Variants in ATF3 observed in about 807,000 individuals in gnomAD.
ATF3 encodes cyclic AMP-dependent transcription factor ATF-3.
A neutral mutation model predicts 18.4 loss-of-function variants in ATF3; 10 were observed. That is an observed-to-expected ratio of 0.54 (90% CI 0.34 to 0.92). The LOEUF is 0.92. ATF3 is among the 40% of genes least tolerant of loss of function. The pLI is 0.02. For synonymous variants in ATF3, 78 were observed against 87.9 expected (o/e 0.89, Z 0.63); for missense variants, 183 against 222.3 (o/e 0.82, Z 1.12).
At chr1:212,590,587 T>A (rs1000681865) in intron 1 of ATF3, among the ~76,000 whole-genome samples, 3 of 152,200 alleles carry the variant, frequency 2.0e-5, no homozygotes, top group African/African-American at 7.2e-5. Context: ...TAATCTGATT[T>A]CTTTTATCTC....
At chr1:212,580,929 C>A (rs1347675510) in intron 1 of ATF3, among the ~76,000 whole-genome samples, 6 of 152,002 alleles carry the variant, frequency 3.9e-5, no homozygotes, top group African/African-American at 1.4e-4. Context: ...CCACCATGCC[C>A]GGCTAATTTT....
intron 1 of ATF3, among the ~76,000 whole-genome samples, chr1:212,585,183 G>A (rs1252825831): frequency 3.3e-5 from 5 of 152,210 alleles, no homozygotes. Context: ...CAGAGCTGGG[G>A]GGTGAAAGGT....
At position 212,619,130 on chromosome 1, in the gene ATF3, T is replaced by C; in HGVS notation, c.349-228T>C. 2 of 1,614,116 alleles carry C rather than the reference T, an allele frequency of 1.2e-6. No homozygotes were observed. The highest frequency in any genetic ancestry group is 2.2e-5 in the South Asian group (2 of 91,084). ...AGGTATCTGAACTGCAGCTTCAGTA[T>C]TAGCAGAGCCACAGGCCGCCTCTGT... On this transcript the variant is annotated intron_variant, in intron 3 of 3. Coordinates refer to ENST00000341491, the MANE Select transcript of ATF3 (RefSeq NM_001674.4). The surrounding 1 kb of genome is among the most constrained non-coding windows in gnomAD (Gnocchi z 4.4).
upstream of ATF3, among the ~76,000 whole-genome samples, chr1:212,607,842 C>G (rs1412409390): frequency 1.3e-5 from 2 of 152,166 alleles, no homozygotes; most frequent in Non-Finnish European, 2.9e-5. Context: ...TCCTGGACTC[C>G]GATCTTTTCA....
At chr1:212,590,636 GA>G (rs575953010) in intron 1 of ATF3, among the ~76,000 whole-genome samples, 275 of 152,202 alleles carry the variant, frequency 1.8e-3, no homozygotes, top group Non-Finnish European at 3.0e-3. Flanking sequence ...GTAACAGGTG[GA>G]AATACTCAAA....
intron 1 of ATF3, among the ~76,000 whole-genome samples, chr1:212,612,672 G>GA (rs1473477491): frequency 1.3e-5 from 2 of 152,196 alleles, no homozygotes; most frequent in African/African-American, 4.8e-5. Flanking sequence ...AGGGCTTTGG[G>GA]AAAAGAATTA....
chr1:212,610,686 A>G (rs1036213976), intron 1 of ATF3, among the ~76,000 whole-genome samples: 3 of 152,082 alleles, frequency 2.0e-5, no homozygotes, highest in African/African-American at 7.2e-5. Flanking sequence ...TTTCTTCGAT[A>G]GCCCCTCCCT....
chr1:212,615,276 A>C lies in ATF3; in HGVS notation c.240+15A>C, dbSNP rs1558240634. 1 of 1,612,914 alleles carries C rather than the reference A, an allele frequency of 6.2e-7. No homozygotes were observed. The highest frequency in any genetic ancestry group is 1.1e-5 in the South Asian group (1 of 91,022). The stretch of plus-strand genomic sequence containing the variant: ...CAAAAGCCGAGGTGGGTTCTATCAC[A>C]GGTATTCATTCTTTCGGCACATGTT... On this transcript the variant is annotated intron_variant, in intron 2 of 3. Coordinates refer to ENST00000341491, the MANE Select transcript of ATF3 (RefSeq NM_001674.4).
chr1:212,591,222 C>T (rs955141532), intron 1 of ATF3, among the ~76,000 whole-genome samples: 2 of 152,176 alleles, frequency 1.3e-5, no homozygotes, highest in East Asian at 3.9e-4. Context: ...ATCTTCCTAA[C>T]GGAGCCTCCT....
intron 1 of ATF3, among the ~76,000 whole-genome samples, chr1:212,575,427 G>A (rs1664556186): frequency 6.6e-6 from 1 of 151,952 alleles, no homozygotes; most frequent in Non-Finnish European, 1.5e-5. Context: ...TTAGTTCTAA[G>A]AGTATGTGAA....
chr1:212,569,924 A>C (rs1371509765), intron 1 of ATF3, among the ~76,000 whole-genome samples: 2 of 152,182 alleles, frequency 1.3e-5, no homozygotes, highest in Non-Finnish European at 2.9e-5. Context: ...ATAATATATG[A>C]ATCATAGTCT....
At chr1:212,577,194 G>A (rs1192452782) in intron 1 of ATF3, among the ~76,000 whole-genome samples, 1 of 152,036 alleles carries the variant, frequency 6.6e-6, no homozygotes, top group Admixed American at 6.6e-5. Flanking sequence ...TTATCTCCTA[G>A]AATCTATTGA....
chr1:212,583,081 T>C (rs1664714565), intron 1 of ATF3, among the ~76,000 whole-genome samples: 2 of 152,134 alleles, frequency 1.3e-5, no homozygotes, highest in South Asian at 4.1e-4. Flanking sequence ...TAGGCTGTCA[T>C]GGGGCAGGCT....
rs1655098655 is a variant in ATF3, at chr1:212,615,846, G to T, written c.240+585G>T. On this transcript the variant is annotated intron_variant, in intron 2 of 3. Coordinates refer to ENST00000341491, the MANE Select transcript of ATF3 (RefSeq NM_001674.4). ...GCTCCATCACCCAGGCTGGGGTGCA[G>T]TGGGGTGATCACGGCTCATTGTAGC... 2.0e-5 allele frequency among the ~76,000 whole-genome samples: 3 copies of T among 149,104 alleles called. No individual in the cohort carries two copies. The South Asian group carries it at 6.4e-4, about 32-fold the overall frequency.
In ATF3 at chr1:212,618,256, C is replaced by T. The variant is rs367755520; in HGVS notation, c.348+22C>T. 3.3e-5 allele frequency: 53 copies of T among 1,609,384 alleles called. 3 individuals are homozygous for T. The South Asian group carries it at 5.8e-4, about 18-fold the overall frequency. On this transcript the variant is annotated intron_variant, in intron 3 of 3. Transcript: ENST00000341491. This position sits in a 1 kb window ranked among gnomAD's most constrained non-coding sequence, Gnocchi z 4.4. ...GAAAGTGAGTGCCTTCTAGCCTTAC[C>T]CTTCCTCTCGCTCACGCCTGTCTTC...
In ATF3 at chr1:212,600,651, C is replaced by A. The variant is rs184218526; in HGVS notation, c.-4-14367C>A. ...ACGGTCGGCTCAACATCCAGCTCGACAGTCACCTCAGCCATCAGCTCTTGC... is the reference window on the plus strand; with the variant it reads ...ACGGTCGGCTCAACATCCAGCTCGAAAGTCACCTCAGCCATCAGCTCTTGC... On this transcript the variant is annotated intron_variant, in intron 1 of 3. Transcript: ENST00000366981. Among the ~76,000 whole-genome samples the A allele has an allele frequency of 2.6e-5, 4 of 152,354 alleles. No individual in the cohort carries two copies. The East Asian group carries it at 5.8e-4, about 22-fold the overall frequency.
At position 212,618,142 on chromosome 1, in the gene ATF3, G is replaced by T; in HGVS notation, c.256G>T (p.Asp86Tyr). The change falls in exon 3 of 4, where the codon GAT (aspartate) becomes TAT (tyrosine). Residue 86 changes from aspartate to tyrosine, a missense_variant. Coordinates refer to ENST00000341491, the MANE Select transcript of ATF3 (RefSeq NM_001674.4). The surrounding 1 kb of genome is among the most constrained non-coding windows in gnomAD (Gnocchi z 4.4). ...ITKAEVAPEE[D>Y]ERKKRRRERN... ...GATTTTACAGGTAGCCCCTGAAGAA[G>T]ATGAAAGGAAAAAGAGGCGACGAGA... The T allele has an allele frequency of 6.2e-7, 1 of 1,614,144 alleles. No individual in the cohort carries two copies. The highest frequency in any genetic ancestry group is 8.5e-7 in the Non-Finnish European group (1 of 1,179,998).
At chr1:212,580,039 C>T (rs549484910) in intron 1 of ATF3, among the ~76,000 whole-genome samples, 4 of 151,244 alleles carry the variant, frequency 2.6e-5, no homozygotes, top group African/African-American at 9.7e-5. Flanking sequence ...CCCAGCTACT[C>T]TGGAGGCTGA....
At chr1:212,583,178 C>T (rs758960744) in intron 1 of ATF3, among the ~76,000 whole-genome samples, 2 of 152,136 alleles carry the variant, frequency 1.3e-5, no homozygotes, top group Admixed American at 6.5e-5. Flanking sequence ...TGTCTGAAGC[C>T]TGCCTCCACT....
Sources: gnomAD v4.1 joint callset for allele counts (sites outside exome capture counted in the v4.1 genomes callset) on GRCh38, gnomAD v4.1.1 for gene constraint, Gnocchi (gnomAD v3.1) non-coding constraint, MANE v1.5 for transcripts, NCBI Gene and HGNC (gene_info 2026-07-23, HGNC 2026-07-21) for gene names.